SPIRE1: variants seen among roughly 807,000 people sequenced by gnomAD.
The protein encoded by SPIRE1 is protein spire homolog 1.
A neutral mutation model predicts 94.1 loss-of-function variants in SPIRE1; 40 were observed. The ratio of observed to expected loss-of-function variants is 0.43; its 90% CI spans 0.33 to 0.55. SPIRE1 has a LOEUF of 0.55. Among genes scored for constraint, SPIRE1 ranks in the 20% least tolerant of loss-of-function variants. SPIRE1 has a pLI of 0.06. For missense variants in SPIRE1, 838 were observed against 975.2 expected (o/e 0.86, Z 1.87); for synonymous variants, 376 against 371.7 (o/e 1.01, Z -0.13).
chr18:12,493,199 G>A lies in SPIRE1; in HGVS notation c.1062C>T (p.Val354=). The A allele has an allele frequency of 1.2e-6, 2 of 1,607,470 alleles. No homozygotes were observed. Among genetic ancestry groups the A allele is most frequent in the Non-Finnish European group, 1.7e-6 (2 of 1,178,596 alleles). ...GAGTTGGTTTCAGTTTTCTGGCTGAGACCTTGAAAGTAAGAAAAATGGCTA... is the reference window on the plus strand; with the variant it reads ...GAGTTGGTTTCAGTTTTCTGGCTGAAACCTTGAAAGTAAGAAAAATGGCTA... ...FIRSRPPLNP[V]SARKLKPTPP... The change falls in exon 8 of 17, where the codon GTC becomes GTT. Residue 354 remains valine (V), a splice_region_variant and synonymous_variant. Coordinates refer to ENST00000409402, the MANE Select transcript of SPIRE1 (RefSeq NM_001128626.2).
intron 2 of SPIRE1, among the ~76,000 whole-genome samples, chr18:12,620,229 C>T (rs1302610267): frequency 6.6e-6 from 1 of 152,138 alleles, no homozygotes; most frequent in Non-Finnish European, 1.5e-5. Context: ...TGGTCTAAGG[C>T]TTAGCATTGT....
At chr18:12,452,806 A>C (rs1376467585) in intron 14 of SPIRE1, among the ~76,000 whole-genome samples, 2 of 152,238 alleles carry the variant, frequency 1.3e-5, no homozygotes, top group African/African-American at 4.8e-5. Context: ...TTCAAACATG[A>C]CATATTATTA....
At chr18:12,498,301 T>C (rs1248214712) in intron 6 of SPIRE1, among the ~76,000 whole-genome samples, 1 of 152,210 alleles carries the variant, frequency 6.6e-6, no homozygotes, top group Admixed American at 6.5e-5. Context: ...TGAAGCAAAA[T>C]GAGAAATGAT....
chr18:12,476,598 CACACACACACATATAT>C lies in SPIRE1; in HGVS notation c.1404+3085_1404+3100del, dbSNP rs1306145038. 5.0e-4 allele frequency among the ~76,000 whole-genome samples: 67 copies of C among 132,718 alleles called. No homozygotes were observed. In the East Asian group the frequency reaches 5.2e-3, roughly 10 times the overall value. 87.1% of individuals were successfully genotyped at this position (132,718 alleles called of 152,430 possible). On this transcript the variant is annotated intron_variant, in intron 10 of 16. Coordinates refer to ENST00000409402, the MANE Select transcript of SPIRE1 (RefSeq NM_001128626.2). ...ATATATATATATATATACACACACA[CACACACACACATATAT>C]ACACACACATATATATACACATATA...
intron 2 of SPIRE1, among the ~76,000 whole-genome samples, chr18:12,565,620 C>T (rs977722331): frequency 1.3e-5 from 2 of 152,106 alleles, no homozygotes; most frequent in East Asian, 3.9e-4. Flanking sequence ...ATGATCTTCC[C>T]GCCTCAGCCT....
chr18:12,525,484 T>G (rs148692602), intron 4 of SPIRE1, among the ~76,000 whole-genome samples: 31 of 152,026 alleles, frequency 2.0e-4, no homozygotes, highest in African/African-American at 7.5e-4. Context: ...AACACTGTTG[T>G]CATTTCATCT....
At chr18:12,635,331 A>G (rs1439865736) in intron 1 of SPIRE1, among the ~76,000 whole-genome samples, 1 of 152,190 alleles carries the variant, frequency 6.6e-6, no homozygotes, top group Non-Finnish European at 1.5e-5. Context: ...CTTAACTGTA[A>G]TAAGATCTAA....
At chr18:12,587,012 G>A (rs2036407640) in intron 2 of SPIRE1, among the ~76,000 whole-genome samples, 1 of 152,176 alleles carries the variant, frequency 6.6e-6, no homozygotes. Context: ...CACTTCACTT[G>A]TATGTTATTG....
At chr18:12,596,695 C>T (rs1369167217) in intron 2 of SPIRE1, among the ~76,000 whole-genome samples, 1 of 151,846 alleles carries the variant, frequency 6.6e-6, no homozygotes. Flanking sequence ...TATGGTTAAT[C>T]CTAATATTTA....
intron 2 of SPIRE1, among the ~76,000 whole-genome samples, chr18:12,634,695 A>C (rs1037873446): frequency 1.3e-5 from 2 of 152,034 alleles, no homozygotes; most frequent in Non-Finnish European, 2.9e-5. Flanking sequence ...AGCACTTTGA[A>C]AGGCCAAGGC....
chr18:12,491,635 T>C (rs927023298), intron 8 of SPIRE1, among the ~76,000 whole-genome samples: 1 of 152,134 alleles, frequency 6.6e-6, no homozygotes, highest in African/African-American at 2.4e-5. Context: ...GAAAGTACAT[T>C]TAATTATTTC....
At chr18:12,614,143 C>A (rs1230855378) in intron 2 of SPIRE1, among the ~76,000 whole-genome samples, 2 of 152,150 alleles carry the variant, frequency 1.3e-5, no homozygotes, top group Non-Finnish European at 1.5e-5. Flanking sequence ...ACCTGTTAGT[C>A]CTAGCTAGTT....
intron 1 of SPIRE1, among the ~76,000 whole-genome samples, chr18:12,635,708 A>G (rs983174924): frequency 1.3e-5 from 2 of 152,208 alleles, no homozygotes; most frequent in African/African-American, 4.8e-5. Context: ...TCACTGATAC[A>G]TAATACCAAA....
intron 2 of SPIRE1, among the ~76,000 whole-genome samples, chr18:12,568,659 T>G (rs1228283969): frequency 1.3e-5 from 2 of 152,258 alleles, no homozygotes; most frequent in Non-Finnish European, 2.9e-5. Context: ...CCTATCTTAA[T>G]TCTCCAACAA....
In SPIRE1 at chr18:12,549,439, G is replaced by GTTTTTTTTTTTTT. The variant is rs869122444; in HGVS notation, c.373-2548_373-2536dup. On this transcript the variant is annotated intron_variant, in intron 2 of 16. Transcript: ENST00000409402. ...CTTTTTGTTTGTTTTTGTTATTGTT[G>GTTTTTTTTTTTTT]TTTTTTTTTTTTTTTTTTTTTTTTT... Among the ~76,000 whole-genome samples, 39 of 41,254 alleles carry GTTTTTTTTTTTTT rather than the reference G, an allele frequency of 9.5e-4. 7 individuals carry two copies. The highest frequency in any genetic ancestry group is 1.2e-3 in the Non-Finnish European group (31 of 25,940). The allele number at this position is 41,254 out of a possible 152,430, so 27.1% of individuals were successfully genotyped here.
chr18:12,629,153 T>C (rs575195802), intron 2 of SPIRE1, among the ~76,000 whole-genome samples: 5 of 152,322 alleles, frequency 3.3e-5, no homozygotes, highest in Admixed American at 3.3e-4. Context: ...TAGTTATTCA[T>C]TTAACCTTCT....
At chr18:12,584,882 C>T (rs1169396841) in intron 2 of SPIRE1, among the ~76,000 whole-genome samples, 3 of 152,120 alleles carry the variant, frequency 2.0e-5, no homozygotes, top group Admixed American at 1.3e-4. Context: ...TGGGTTCAAG[C>T]GATTCTCCTG....
At chr18:12,532,632 T>C (rs2034717324) in intron 4 of SPIRE1, among the ~76,000 whole-genome samples, 1 of 152,222 alleles carries the variant, frequency 6.6e-6, no homozygotes, top group Non-Finnish European at 1.5e-5. Flanking sequence ...TTTGGGATCT[T>C]CCGAAAAAAG....
At chr18:12,506,668 T>A (rs2033846788) in intron 5 of SPIRE1, 27 bp from the exon 6 acceptor site, 3 of 1,608,254 alleles carry the variant, frequency 1.9e-6, no homozygotes, top group Non-Finnish European at 1.7e-6. Context: ...TAGAGAGACA[T>A]CAATGAATAA....
Sources: gnomAD v4.1 joint callset for allele counts (sites outside exome capture counted in the v4.1 genomes callset) on GRCh38, gnomAD v4.1.1 for gene constraint, MANE v1.5 for transcripts, NCBI Gene and HGNC (gene_info 2026-07-23, HGNC 2026-07-21) for gene names.